The following DMXL1 variants were observed in gnomAD, a reference collection of about 807,000 sequenced individuals.
DMXL1 encodes the protein dmX-like protein 1.
A neutral mutation model predicts 319.2 loss-of-function variants in DMXL1; 99 were observed. The ratio of observed to expected loss-of-function variants is 0.31; its 90% CI spans 0.26 to 0.37. The LOEUF (loss-of-function observed/expected upper bound fraction) is 0.37, where lower values mean the gene tolerates loss of function less well. DMXL1 is among the 10% of genes least tolerant of loss of function. The probability of loss-of-function intolerance (pLI) is 1.00; values close to 1 mark genes in which losing one functional copy is unlikely to be tolerated. For synonymous variants in DMXL1, 1,385 were observed against 1,235.2 expected, an observed-to-expected ratio of 1.12 and a Z score of -2.54; for missense variants, 3,745 against 3,595.6, an observed-to-expected ratio of 1.04 and a Z score of -1.06.
At chr5:119,191,510 T>C (rs753997412) in intron 29 of DMXL1, among the ~76,000 whole-genome samples, 1 of 152,226 alleles carries the variant, frequency 6.6e-6, no homozygotes, top group Non-Finnish European at 1.5e-5. Context: ...TCTAGGAATA[T>C]CTTTATTTCA....
intron 43 of DMXL1, 123 bp downstream of exon 43, chr5:119,244,699 G>C (rs997306424): frequency 6.5e-6 from 4 of 611,358 alleles, no homozygotes; most frequent in Non-Finnish European, 1.1e-5. Flanking sequence ...GTAGTCAGCA[G>C]TGCTAATTGC....
intron 4 of DMXL1, among the ~76,000 whole-genome samples, chr5:119,108,114 G>A (rs1314985624): frequency 1.3e-5 from 2 of 152,128 alleles, no homozygotes; most frequent in African/African-American, 2.4e-5. Context: ...TGTAATCCCA[G>A]CAGTTTGGGA....
At chr5:119,225,905 T>C (rs1431304993) in intron 38 of DMXL1, among the ~76,000 whole-genome samples, 1 of 152,154 alleles carries the variant, frequency 6.6e-6, no homozygotes, top group Non-Finnish European at 1.5e-5. Context: ...AAAATGTGTT[T>C]TATATATAAA....
At chr5:119,205,158 T>TA (rs1175910606) in intron 33 of DMXL1, among the ~76,000 whole-genome samples, 91 of 152,272 alleles carry the variant, frequency 6.0e-4, no homozygotes, top group African/African-American at 2.1e-3. Flanking sequence ...GATCTTTTTT[T>TA]AAAAAAATTG....
chr5:119,148,698 A>T, intron 17 of DMXL1, 41 bp from the exon 18 acceptor site: 1 of 1,566,020 alleles, frequency 6.4e-7, no homozygotes, highest in Non-Finnish European at 8.6e-7. Context: ...GAAGTATTTA[A>T]CCAAATTTGA....
chr5:119,143,772 A>T (rs1197515580), intron 13 of DMXL1, 69 bp from the exon 14 acceptor site: 1 of 1,053,306 alleles, frequency 9.5e-7, no homozygotes, highest in Non-Finnish European at 1.4e-6. Flanking sequence ...TTATGCTTGA[A>T]ATTTTGTTAT....
At chr5:119,096,570 T>A (rs1312853776) in intron 1 of DMXL1, among the ~76,000 whole-genome samples, 1 of 152,174 alleles carries the variant, frequency 6.6e-6, no homozygotes, top group Admixed American at 6.5e-5. Context: ...GAAAACAGTT[T>A]GTGTTAGATG....
chr5:119,175,200 T>C, intron 25 of DMXL1, 61 bp from the exon 26 acceptor site: 1 of 1,351,724 alleles, frequency 7.4e-7, no homozygotes, highest in Non-Finnish European at 1.0e-6. Flanking sequence ...TATTAGGTCT[T>C]GAAAAAAAAT....
intron 35 of DMXL1, among the ~76,000 whole-genome samples, chr5:119,218,291 G>C (rs916524594): frequency 6.6e-6 from 1 of 152,052 alleles, no homozygotes; most frequent in Admixed American, 6.5e-5. Flanking sequence ...TGCTATAAAA[G>C]AAACTAGTTG....
intron 14 of DMXL1, 115 bp from the exon 15 acceptor site, chr5:119,144,421 T>G: frequency 1.3e-6 from 1 of 772,034 alleles, no homozygotes; most frequent in South Asian, 1.7e-5. Context: ...CTGCTGAACT[T>G]TTGACTTCTT....
At chr5:119,197,991 T>C (rs781539013) in intron 32 of DMXL1, 35 bp downstream of exon 32, 1 of 1,602,822 alleles carries the variant, frequency 6.2e-7, no homozygotes, top group Admixed American at 1.7e-5. Flanking sequence ...TGGGTTTTTT[T>C]GTTTGTTTGT....
chr5:119,121,879 C>T (rs898526262), intron 9 of DMXL1, among the ~76,000 whole-genome samples: 4 of 149,920 alleles, frequency 2.7e-5, no homozygotes, highest in Non-Finnish European at 4.5e-5. Flanking sequence ...CGCCCCTCAC[C>T]TCCTGGACGG....
At position 119,247,611 on chromosome 5, in the gene DMXL1, C is replaced by G. The variant is rs758304197; in HGVS notation, c.*392C>G. The stretch of plus-strand genomic sequence containing the variant: ...CTCATCACTTAATTCACCACACTCT[C>G]ACTTCCTTTATTAGCCTTATACATC... On this transcript the variant is annotated 3_prime_UTR_variant, in exon 44 of 44. Coordinates refer to ENST00000539542, the MANE Select transcript of DMXL1 (RefSeq NM_001290321.3). The G allele has an allele frequency of 6.5e-6, 1 of 153,726 alleles. No homozygotes were observed. Among genetic ancestry groups the G allele is most frequent in the South Asian group, 2.0e-4 (1 of 4,908 alleles). 9.5% of individuals were successfully genotyped at this position (153,726 alleles called of 1,614,324 possible).
At chr5:119,084,125 C>T (rs1461571662) in intron 1 of DMXL1, among the ~76,000 whole-genome samples, 1 of 151,492 alleles carries the variant, frequency 6.6e-6, no homozygotes, top group Admixed American at 6.6e-5. Context: ...CCCCCCCTCA[C>T]CCCTTTTTTT....
intron 2 of DMXL1, among the ~76,000 whole-genome samples, chr5:119,098,585 C>A (rs1756520592): frequency 6.6e-6 from 1 of 151,826 alleles, no homozygotes; most frequent in South Asian, 2.1e-4. Flanking sequence ...AAGTGAAAAA[C>A]TTTATCTGGA....
intron 13 of DMXL1, among the ~76,000 whole-genome samples, chr5:119,139,273 C>G (rs1280133716): frequency 1.3e-5 from 2 of 152,190 alleles, no homozygotes; most frequent in Non-Finnish European, 2.9e-5. Context: ...CAGATCCACA[C>G]ATGTCAGTGC....
At position 119,233,069 on chromosome 5, in the gene DMXL1, TCA is replaced by T. The variant is rs529840455; in HGVS notation, c.8339-270_8339-269del. Among the ~76,000 whole-genome samples, 69 of 152,096 alleles carry T rather than the reference TCA, an allele frequency of 4.5e-4. No homozygotes were observed. The South Asian group carries it at 8.9e-3, about 20-fold the overall frequency. On this transcript the variant is annotated intron_variant, in intron 38 of 43. Coordinates refer to ENST00000539542, the MANE Select transcript of DMXL1 (RefSeq NM_001290321.3). Reference sequence around the variant, plus strand: ...TAAAAAATAAAAGGCTGTTAAGACATCATTGAGATAACTTTAAAGGGAAATAA... The same window carrying T: ...TAAAAAATAAAAGGCTGTTAAGACATTTGAGATAACTTTAAAGGGAAATAA...
intron 37 of DMXL1, 118 bp from the exon 38 acceptor site, chr5:119,224,591 A>G (rs1785202394): frequency 2.5e-6 from 1 of 393,232 alleles, no homozygotes; most frequent in Non-Finnish European, 4.7e-6. Flanking sequence ...AGCACCCATA[A>G]TGATAGTTAT....
intron 27 of DMXL1, 118 bp from the exon 28 acceptor site, chr5:119,177,878 A>G: frequency 1.1e-6 from 1 of 893,246 alleles, no homozygotes; most frequent in South Asian, 2.5e-5. Context: ...CTAGGGAAGA[A>G]AATACAGTAT....
Sources: allele counts gnomAD v4.1 joint callset (sites outside exome capture counted in the v4.1 genomes callset), GRCh38; gene constraint gnomAD v4.1.1; transcripts MANE v1.5; gene names NCBI Gene and HGNC (gene_info 2026-07-23, HGNC 2026-07-21).